Variants in ERAP1 observed in about 807,000 individuals in gnomAD.
ERAP1 encodes adipocyte-derived leucine aminopeptidase.
ERAP1 carries 86 observed loss-of-function variants against 103.7 expected under a neutral mutation model. The ratio of observed to expected loss-of-function variants is 0.83; its 90% confidence interval spans 0.70 to 0.99. The LOEUF (loss-of-function observed/expected upper bound fraction) is 0.99, where lower values mean the gene tolerates loss of function less well. Among genes scored for constraint, ERAP1 ranks in the 50% least tolerant of loss-of-function variants. The pLI, the probability that ERAP1 is intolerant of heterozygous loss-of-function variation, is 0.00. For synonymous variants in ERAP1, 398 were observed against 402.4 expected, an observed-to-expected ratio of 0.99 and a Z score of 0.13; for missense variants, 1,009 against 1,128.4, an observed-to-expected ratio of 0.89 and a Z score of 1.52.
intron 2 of ERAP1, among the ~76,000 whole-genome samples, chr5:96,801,854 CAAAAAA>C (rs59332218): frequency 2.4e-4 from 13 of 54,692 alleles, no homozygotes; most frequent in African/African-American, 1.2e-3. Flanking sequence ...TCCGTCTCGA[CAAAAAA>C]AAAAAAAAAA....
chr5:96,892,214 G>A, the ERAP1 span: 27 of 1,357,668 alleles, frequency 2.0e-5, no homozygotes, highest in Admixed American at 7.3e-5. Context: ...ATGCTTAAAG[G>A]ATCATAGTGT....
At chr5:96,807,429 T>C (rs911761695) in intron 1 of ERAP1, among the ~76,000 whole-genome samples, 2 of 152,202 alleles carry the variant, frequency 1.3e-5, no homozygotes, top group Non-Finnish European at 2.9e-5. Context: ...ACCCCGCCTT[T>C]TGGCCTCGCG....
the ERAP1 span, among the ~76,000 whole-genome samples, chr5:96,873,852 C>T: frequency 6.6e-6 from 1 of 151,932 alleles, no homozygotes; most frequent in East Asian, 1.9e-4. Context: ...GACAAGAAAA[C>T]AAACAAACAA....
At chr5:96,876,451 A>C in the ERAP1 span, 1 of 152,488 alleles carries the variant, frequency 6.6e-6, no homozygotes. Flanking sequence ...AAGCATGCAA[A>C]GTTCTGAATC....
chr5:96,869,100 C>G, the ERAP1 span, among the ~76,000 whole-genome samples: 2 of 151,232 alleles, frequency 1.3e-5, no homozygotes, highest in Non-Finnish European at 2.9e-5. Context: ...TTGCTTTCTT[C>G]GCTCAAGAGA....
intron 2 of ERAP1, among the ~76,000 whole-genome samples, chr5:96,802,768 G>A (rs26652): frequency 0.23 from 34,284 of 152,038 alleles, 3,921 homozygotes; most frequent in East Asian, 0.27. Flanking sequence ...CAAGTATCAT[G>A]GAGTGAAGAA....
At chr5:96,901,084 T>C in the ERAP1 span, among the ~76,000 whole-genome samples, 14 of 152,206 alleles carry the variant, frequency 9.2e-5, no homozygotes, top group Non-Finnish European at 1.9e-4. Context: ...TATTAAATTG[T>C]TCTGTTGAAA....
the ERAP1 span, among the ~76,000 whole-genome samples, chr5:96,819,517 G>A: frequency 6.6e-6 from 1 of 152,196 alleles, no homozygotes; most frequent in African/African-American, 2.4e-5. Context: ...GTGTTTGTGT[G>A]TGTGTGAGAG....
At chr5:96,870,126 G>A in the ERAP1 span, among the ~76,000 whole-genome samples, 1 of 152,144 alleles carries the variant, frequency 6.6e-6, no homozygotes, top group Non-Finnish European at 1.5e-5. Flanking sequence ...TTGATAGTAG[G>A]ACCAGGGGCT....
chr5:96,873,420 A>T, the ERAP1 span: 1 of 455,464 alleles, frequency 2.2e-6, no homozygotes, highest in Non-Finnish European at 4.4e-6. Context: ...GCCTCAGATG[A>T]GTGCCAGTAG....
chr5:96,808,743 AC>A (rs1161991731), upstream of ERAP1, among the ~76,000 whole-genome samples: 4 of 152,160 alleles, frequency 2.6e-5, no homozygotes, highest in African/African-American at 9.7e-5. Context: ...GGCCAAAAAG[AC>A]CATCTTTAAA....
At chr5:96,926,620 C>T in the ERAP1 span, among the ~76,000 whole-genome samples, 2 of 152,284 alleles carry the variant, frequency 1.3e-5, no homozygotes, top group East Asian at 3.9e-4. Flanking sequence ...TTTCTTTCAC[C>T]TAACATAATT....
the ERAP1 span, among the ~76,000 whole-genome samples, chr5:96,853,786 A>C: frequency 2.0e-5 from 3 of 151,488 alleles, no homozygotes; most frequent in African/African-American, 7.3e-5. Flanking sequence ...GTGAGCGAGT[A>C]CCTAAGGTAG....
chr5:96,832,846 T>C, the ERAP1 span, among the ~76,000 whole-genome samples: 1 of 152,230 alleles, frequency 6.6e-6, no homozygotes, highest in Non-Finnish European at 1.5e-5. Context: ...TGAATGTTTG[T>C]GTCTCCTGAA....
rs141610711 is a variant in ERAP1, at chr5:96,780,529, G to A, written c.2589-25C>T. 2,523 of 1,561,744 alleles carry A rather than the reference G, an allele frequency of 1.6e-3. 29 individuals carry two copies. The African/African-American group carries it at 0.03, about 18-fold the overall frequency. On this transcript the variant is annotated intron_variant, in intron 17 of 18. Transcript: ENST00000443439. ...CCTAGAGAGGGAAATATTCAAAAAC[G>A]GGTTGTGAAATACTTATTCATTTAA... is the stretch of plus-strand genomic sequence containing the variant.
the ERAP1 span, among the ~76,000 whole-genome samples, chr5:96,914,202 T>C: frequency 1.7e-4 from 26 of 151,156 alleles, no homozygotes; most frequent in African/African-American, 5.9e-4. Context: ...CAGCCATTCC[T>C]CATCCAAATC....
chr5:96,784,018 T>C lies in ERAP1; in HGVS notation c.2006A>G (p.Glu669Gly), dbSNP rs769387880. Residue 669 changes from glutamate to glycine, a missense_variant, in exon 14 of 19, where the codon GAA (glutamate) becomes GGA (glycine). Coordinates refer to ENST00000443439, the MANE Select transcript of ERAP1 (RefSeq NM_001040458.3). ...DLSLYLKHETEIMPVFQGLNE... is the reference protein window; with the variant it reads ...DLSLYLKHETGIMPVFQGLNE... ...CAAACCTTGAAACACGGGCATAATT[T>C]CAGTTTCATGTTTCAAGTACAGGGA... 18 of 1,614,008 alleles carry C rather than the reference T, an allele frequency of 1.1e-5. No homozygotes were observed. In the Admixed American group the frequency reaches 3.0e-4, roughly 27 times the overall value.
the ERAP1 span, among the ~76,000 whole-genome samples, chr5:96,919,928 C>T: frequency 6.6e-6 from 1 of 152,184 alleles, no homozygotes; most frequent in Non-Finnish European, 1.5e-5. Context: ...TATGTGGTTC[C>T]AGCAACTCAC....
chr5:96,776,617 A>G, intron 18 of ERAP1, 66 bp from the exon 19 acceptor site: 1 of 1,580,366 alleles, frequency 6.3e-7, no homozygotes, highest in Non-Finnish European at 8.6e-7. Context: ...AACTTTAGTT[A>G]AAACTGAAGC....
Sources: gnomAD v4.1 joint callset for allele counts (sites outside exome capture counted in the v4.1 genomes callset) on GRCh38, gnomAD v4.1.1 for gene constraint, MANE v1.5 for transcripts, NCBI Gene and HGNC (gene_info 2026-07-23, HGNC 2026-07-21) for gene names.